The following RPTOR variants were observed in gnomAD, a reference collection of about 807,000 sequenced individuals.
The protein encoded by RPTOR is regulatory associated protein of MTOR complex 1, also known as regulatory-associated protein of mTOR.
RPTOR carries 21 observed loss-of-function variants against 169.9 expected under a neutral mutation model. The observed-to-expected ratio is 0.12, with a 90% CI of 0.09 to 0.18. The LOEUF (loss-of-function observed/expected upper bound fraction) is 0.18. Ranked by LOEUF, RPTOR falls within the 10% of genes least tolerant of loss-of-function variation. The pLI, the probability that RPTOR is intolerant of heterozygous loss-of-function variation, is 1.00. For missense variants in RPTOR, 1,133 were observed against 1,855.9 expected, an observed-to-expected ratio of 0.61 and a Z score of 7.16; for synonymous variants, 732 against 753.2, an observed-to-expected ratio of 0.97 and a Z score of 0.46.
intron 1 of RPTOR, among the ~76,000 whole-genome samples, chr17:80,599,490 C>CA (rs1347609533): frequency 1.3e-5 from 2 of 152,230 alleles, no homozygotes; most frequent in African/African-American, 4.8e-5. Context: ...AATCAAATCC[C>CA]AATGCCTGCA....
chr17:80,825,941 A>G (rs760718035), intron 9 of RPTOR, among the ~76,000 whole-genome samples: 1 of 152,162 alleles, frequency 6.6e-6, no homozygotes, highest in African/African-American at 2.4e-5. Flanking sequence ...GGCTGGTGTC[A>G]TGACACTGCT....
intron 3 of RPTOR, among the ~76,000 whole-genome samples, chr17:80,670,686 G>A (rs1050687304): frequency 5.3e-5 from 8 of 152,128 alleles, no homozygotes; most frequent in Admixed American, 5.2e-4. Flanking sequence ...GTCCACACAC[G>A]CATTCAGCTC....
At chr17:80,624,775 C>A (rs1324593564) in intron 1 of RPTOR, among the ~76,000 whole-genome samples, 1 of 152,170 alleles carries the variant, frequency 6.6e-6, no homozygotes, top group Non-Finnish European at 1.5e-5. Context: ...AAACACTGTA[C>A]CAAAATACAT....
At chr17:80,616,018 T>G (rs1037322105) in intron 1 of RPTOR, among the ~76,000 whole-genome samples, 21 of 152,110 alleles carry the variant, frequency 1.4e-4, no homozygotes, top group Admixed American at 7.9e-4. Context: ...TCTGAGAGTT[T>G]TCTGTTGAGA....
At chr17:80,668,382 G>A (rs962506093) in intron 3 of RPTOR, among the ~76,000 whole-genome samples, 3 of 152,278 alleles carry the variant, frequency 2.0e-5, no homozygotes, top group South Asian at 2.1e-4. Flanking sequence ...ATTACTTGAG[G>A]TCATAGAGCA....
At chr17:80,655,688 C>CCT (rs1023043101) in intron 3 of RPTOR, among the ~76,000 whole-genome samples, 45 of 151,938 alleles carry the variant, frequency 3.0e-4, no homozygotes, top group African/African-American at 1.1e-3. Context: ...GATCCTCCTG[C>CCT]CTCAGCCTCA....
intron 14 of RPTOR, 47 bp downstream of exon 14, chr17:80,880,536 C>A: frequency 5.8e-6 from 9 of 1,558,954 alleles, no homozygotes; most frequent in South Asian, 1.1e-5. Context: ...ACTCAGCACT[C>A]GCCTCTGCCC....
At chr17:80,920,159 G>A (rs942189933) in intron 21 of RPTOR, among the ~76,000 whole-genome samples, 2 of 152,210 alleles carry the variant, frequency 1.3e-5, no homozygotes, top group Non-Finnish European at 2.9e-5. Context: ...TGCAGCTCCT[G>A]CTCGCTGCGT....
chr17:80,918,536 A>ACGAGCACCC (rs1567986279), intron 21 of RPTOR, among the ~76,000 whole-genome samples: 11 of 71,076 alleles, frequency 1.5e-4, no homozygotes, highest in Non-Finnish European at 2.9e-4. Flanking sequence ...GGTCATAGCC[A>ACGAGCACCC]TGAGCACCCT....
chr17:80,725,715 T>C (rs1286973535), intron 4 of RPTOR, among the ~76,000 whole-genome samples: 2 of 152,216 alleles, frequency 1.3e-5, no homozygotes, highest in African/African-American at 2.4e-5. Flanking sequence ...ACCCAGGACC[T>C]CTGAGATGGG....
At chr17:80,883,754 A>T in intron 15 of RPTOR, 27 bp from the exon 16 acceptor site, 1 of 1,611,584 alleles carries the variant, frequency 6.2e-7, no homozygotes, top group South Asian at 1.1e-5. Flanking sequence ...GGCAGAGGCC[A>T]ACCTGTCTGT....
At chr17:80,855,698 CT>C in intron 12 of RPTOR, 151 bp downstream of exon 12, 1 of 658,656 alleles carries the variant, frequency 1.5e-6, no homozygotes, top group Non-Finnish European at 2.7e-6. Flanking sequence ...TGTCCTGTCA[CT>C]CCTGAGGCCC....
chr17:80,557,084 A>T (rs1298732006), intron 1 of RPTOR, among the ~76,000 whole-genome samples: 1 of 151,784 alleles, frequency 6.6e-6, no homozygotes, highest in Non-Finnish European at 1.5e-5. Context: ...TGACAGAGTG[A>T]AACTCTGTCT....
In RPTOR at chr17:80,823,249, GC is replaced by G; in HGVS notation, c.1136+28del. The G allele has an allele frequency of 6.2e-7, 1 of 1,609,794 alleles. No homozygotes were observed. On this transcript the variant is annotated intron_variant, in intron 9 of 33. Coordinates refer to ENST00000306801, the MANE Select transcript of RPTOR (RefSeq NM_020761.3). This position sits in a 1 kb window ranked among gnomAD's most constrained non-coding sequence, Gnocchi z 4.5. Reference sequence around the variant, plus strand: ...GTGAGTGTTTCAGGATCCTCCAGGTGCCGTGCTCCCCCGCCCTCCGTGGCAC... The same window carrying G: ...GTGAGTGTTTCAGGATCCTCCAGGTGCGTGCTCCCCCGCCCTCCGTGGCAC...
At chr17:80,896,707 C>T (rs1166541010) in intron 20 of RPTOR, among the ~76,000 whole-genome samples, 1 of 152,232 alleles carries the variant, frequency 6.6e-6, no homozygotes, top group Non-Finnish European at 1.5e-5. Flanking sequence ...CACAGTCAGG[C>T]TTTCTGTGTC....
Position 80,885,026 on chromosome 17 carries a change from T to A in RPTOR, c.1861T>A (p.Phe621Ile). Residue 621 changes from phenylalanine (F) to isoleucine (I), a missense_variant, in exon 17 of 34, where the codon TTC becomes ATC. Phe to Ile is a conservative substitution (Grantham distance 21). Transcript: ENST00000306801. Reference protein sequence around the residue: ...PIPEVRCAAVFALGTFVGNSA... With the variant: ...PIPEVRCAAVIALGTFVGNSA... Reference sequence around the variant, plus strand: ...CTTGCAGGTCCGCTGCGCAGCGGTCTTCGCCCTTGGCACGTTCGTGGGCAA... The same window carrying A: ...CTTGCAGGTCCGCTGCGCAGCGGTCATCGCCCTTGGCACGTTCGTGGGCAA... 1 of 1,609,830 alleles carries A rather than the reference T, an allele frequency of 6.2e-7. No homozygotes were observed. The highest frequency in any genetic ancestry group is 8.5e-7 in the Non-Finnish European group (1 of 1,178,852).
At chr17:80,847,365 T>G (rs1443455744) in intron 11 of RPTOR, among the ~76,000 whole-genome samples, 1 of 152,206 alleles carries the variant, frequency 6.6e-6, no homozygotes, top group Non-Finnish European at 1.5e-5. Flanking sequence ...TCACAGGTAG[T>G]GAAGTTAGAA....
chr17:80,685,171 C>G (rs2065928445), intron 3 of RPTOR, among the ~76,000 whole-genome samples: 1 of 151,968 alleles, frequency 6.6e-6, no homozygotes, highest in African/African-American at 2.4e-5. Context: ...GGTCGCACCT[C>G]ATTCGGAGTC....
chr17:80,755,953 G>A (rs976686891), intron 6 of RPTOR, among the ~76,000 whole-genome samples: 4 of 152,262 alleles, frequency 2.6e-5, no homozygotes, highest in Admixed American at 1.3e-4. Flanking sequence ...CAGCCACTAC[G>A]CAGAGAGAAA....
Sources: allele counts gnomAD v4.1 joint callset (sites outside exome capture counted in the v4.1 genomes callset), GRCh38; gene constraint gnomAD v4.1.1; non-coding constraint Gnocchi (gnomAD v3.1); transcripts MANE v1.5; gene names NCBI Gene and HGNC (gene_info 2026-07-23, HGNC 2026-07-21).